The following RNF220 variants were observed in gnomAD, a reference collection of about 807,000 sequenced individuals.
The protein encoded by RNF220 is E3 ubiquitin-protein ligase RNF220.
Under a neutral mutation model 67.1 loss-of-function variants are expected in RNF220, and 7 were observed. The ratio of observed to expected loss-of-function variants is 0.10; its 90% CI spans 0.06 to 0.20. The LOEUF (loss-of-function observed/expected upper bound fraction) is 0.20, where lower values mean the gene tolerates loss of function less well. RNF220 is among the 10% of genes least tolerant of loss of function. RNF220 has a pLI of 1.00. For synonymous variants in RNF220, 270 were observed against 283.2 expected (o/e 0.95, Z 0.47); for missense variants, 565 against 740.3 (o/e 0.76, Z 2.75).
At chr1:44,447,637 T>C (rs1161438974) in intron 2 of RNF220, among the ~76,000 whole-genome samples, 2 of 152,216 alleles carry the variant, frequency 1.3e-5, no homozygotes, top group African/African-American at 4.8e-5. Context: ...GAGATGAATA[T>C]GTATCACATG....
intron 2 of RNF220, among the ~76,000 whole-genome samples, chr1:44,584,992 C>T (rs1665592927): frequency 6.6e-6 from 1 of 152,236 alleles, no homozygotes; most frequent in Admixed American, 6.5e-5. Context: ...AGCCACCACG[C>T]CCAGCCCAGA....
chr1:44,490,928 A>G (rs1255996579), intron 2 of RNF220, among the ~76,000 whole-genome samples: 2 of 152,188 alleles, frequency 1.3e-5, no homozygotes, highest in African/African-American at 4.8e-5. Context: ...CAGAAATAAA[A>G]AAAGCATTAT....
intron 2 of RNF220, among the ~76,000 whole-genome samples, chr1:44,542,945 A>AGG (rs928724526): frequency 1.1e-4 from 16 of 151,974 alleles, no homozygotes; most frequent in African/African-American, 3.9e-4. Flanking sequence ...GGCCCGCTCC[A>AGG]GGGCCAGCCG....
intron 2 of RNF220, 101 bp from the exon 3 acceptor site, chr1:44,614,064 C>T: frequency 2.0e-6 from 3 of 1,530,034 alleles, no homozygotes; most frequent in Non-Finnish European, 2.7e-6. Flanking sequence ...CCAAGAAGCC[C>T]TAGAGGGCAG....
chr1:44,601,157 A>G (rs1666892539), intron 2 of RNF220, among the ~76,000 whole-genome samples: 1 of 152,246 alleles, frequency 6.6e-6, no homozygotes, highest in African/African-American at 2.4e-5. Flanking sequence ...TTATTGGGCT[A>G]ATAAATAAAT....
At chr1:44,593,124 C>G (rs1303047247) in intron 2 of RNF220, among the ~76,000 whole-genome samples, 1 of 152,218 alleles carries the variant, frequency 6.6e-6, no homozygotes, top group Non-Finnish European at 1.5e-5. Context: ...TCTCCCAACA[C>G]AGGCCCAAGC....
At chr1:44,407,391 G>A (rs1008972966) in intron 1 of RNF220, among the ~76,000 whole-genome samples, 1 of 152,214 alleles carries the variant, frequency 6.6e-6, no homozygotes, top group Non-Finnish European at 1.5e-5. Flanking sequence ...TTTCCGTCTC[G>A]CGGGCTCTTC....
intron 2 of RNF220, among the ~76,000 whole-genome samples, chr1:44,543,506 T>C (rs1406565539): frequency 1.3e-5 from 2 of 151,902 alleles, no homozygotes; most frequent in African/African-American, 2.4e-5. Flanking sequence ...GCATTTTTCT[T>C]TGGGGACTGA....
In RNF220 at chr1:44,527,912, C is replaced by T. The variant is rs375864589; in HGVS notation, c.626-86253C>T. Among the ~76,000 whole-genome samples the T allele has an allele frequency of 6.1e-3, 502 of 82,826 alleles. 16 individuals carry two copies. Among genetic ancestry groups the T allele is most frequent in the South Asian group, 0.059 (136 of 2,320 alleles). The allele number at this position is 82,826 out of a possible 152,430, so 54.3% of individuals were successfully genotyped here. On this transcript the variant is annotated intron_variant, in intron 2 of 14. Coordinates refer to ENST00000361799, the MANE Select transcript of RNF220 (RefSeq NM_018150.4). ...CTGCACTCCAGCCTGGGTGACAGAG[C>T]AAGACTCCATCCCAAAAAAAAAAAA...
At position 44,518,377 on chromosome 1, in the gene RNF220, A is replaced by G. The variant is rs530762848; in HGVS notation, c.626-95788A>G. 6.6e-5 allele frequency among the ~76,000 whole-genome samples: 10 copies of G among 152,186 alleles called. No homozygotes were observed. In the South Asian group the frequency reaches 2.1e-3, roughly 32 times the overall value. On this transcript the variant is annotated intron_variant, in intron 2 of 14. Coordinates refer to ENST00000361799, the MANE Select transcript of RNF220 (RefSeq NM_018150.4). ...GAGTTGGAGGCTGCAGTGAGCTATG[A>G]TCACCCCACTGCACCCTACTCACTC...
At chr1:44,440,372 G>A (rs1250601127) in intron 2 of RNF220, among the ~76,000 whole-genome samples, 4 of 152,234 alleles carry the variant, frequency 2.6e-5, no homozygotes, top group African/African-American at 9.6e-5. Context: ...GTGTGCAAGG[G>A]TGGAGAGTGG....
chr1:44,584,293 AGGGCG>A (rs1335552548), intron 2 of RNF220, among the ~76,000 whole-genome samples: 1 of 152,208 alleles, frequency 6.6e-6, no homozygotes, highest in Non-Finnish European at 1.5e-5. Context: ...CTCCTTCATC[AGGGCG>A]GGTCAAGCTA....
intron 2 of RNF220, among the ~76,000 whole-genome samples, chr1:44,438,361 G>C (rs182041344): frequency 6.6e-6 from 1 of 152,290 alleles, no homozygotes; most frequent in African/African-American, 2.4e-5. Context: ...GGGCTCAAGC[G>C]ATCTTCCTTC....
At chr1:44,428,562 G>A (rs1036076003) in intron 2 of RNF220, among the ~76,000 whole-genome samples, 4 of 152,052 alleles carry the variant, frequency 2.6e-5, no homozygotes, top group African/African-American at 7.3e-5. Flanking sequence ...TCCAAGCGCC[G>A]TTCTCACAGC....
intron 2 of RNF220, among the ~76,000 whole-genome samples, chr1:44,603,214 C>T (rs536671078): frequency 9.2e-5 from 14 of 152,354 alleles, no homozygotes; most frequent in African/African-American, 3.1e-4. Context: ...TTATCTGGCA[C>T]GTTGATGCAG....
Position 44,649,641 on chromosome 1 carries a change from C to G in RNF220, c.1446-20C>G. The stretch of plus-strand genomic sequence containing the variant: ...TGAGAGATGCCAGCCTGCTACCCAA[C>G]CATGCCTTCCTTTTTACAGAATCAC... On this transcript the variant is annotated intron_variant, in intron 12 of 14. Transcript: ENST00000361799. The surrounding 1 kb of genome is among the most constrained non-coding windows in gnomAD (Gnocchi z 5.9). 1 of 1,611,354 alleles carries G rather than the reference C, an allele frequency of 6.2e-7. No homozygotes were observed. The highest frequency in any genetic ancestry group is 8.5e-7 in the Non-Finnish European group (1 of 1,177,556).
chr1:44,625,122 G>A (rs116105335), intron 4 of RNF220, among the ~76,000 whole-genome samples: 2,864 of 152,190 alleles, frequency 0.019, 91 homozygotes, highest in African/African-American at 0.066. Flanking sequence ...GTTCCCCCTC[G>A]TTAGCATCTT....
rs139145833 is a variant in RNF220 at position 44,590,203 on chromosome 1, C to T, written c.626-23962C>T. On this transcript the variant is annotated intron_variant, in intron 2 of 14. Transcript: ENST00000361799. Reference sequence around the variant, plus strand: ...TGTGGTTTAGGACATCCCAGCTCATCCACTCAGCATGTTAGAAGGACCAGC... The same window carrying T: ...TGTGGTTTAGGACATCCCAGCTCATTCACTCAGCATGTTAGAAGGACCAGC... Among the ~76,000 whole-genome samples, 1,136 of 152,358 alleles carry T rather than the reference C, an allele frequency of 7.5e-3. 49 individuals carry two copies. The highest frequency in any genetic ancestry group is 0.068 in the Admixed American group (1,044 of 15,300).
chr1:44,642,522 A>C lies in RNF220; in HGVS notation c.1127-2176A>C, dbSNP rs576705900. Among the ~76,000 whole-genome samples, 16 of 152,246 alleles carry C rather than the reference A, an allele frequency of 1.1e-4. No homozygotes were observed. The South Asian group carries it at 3.3e-3, about 32-fold the overall frequency. On this transcript the variant is annotated intron_variant, in intron 8 of 14. Transcript: ENST00000361799. ...AGGAGGGAGAAGGTTCTAGGCAGAG[A>C]GCAGGAGGTGCGGAGGCATGGGGGC...
Sources: allele counts gnomAD v4.1 joint callset (sites outside exome capture counted in the v4.1 genomes callset), GRCh38; gene constraint gnomAD v4.1.1; non-coding constraint Gnocchi (gnomAD v3.1); transcripts MANE v1.5; gene names NCBI Gene and HGNC (gene_info 2026-07-23, HGNC 2026-07-21).